The following XPO1 variants were observed in gnomAD, a reference collection of about 807,000 sequenced individuals.
XPO1 encodes the protein exportin 1, also known as exportin-1.
Under a neutral mutation model 133.3 loss-of-function variants are expected in XPO1, and 5 were observed. That is an observed-to-expected ratio of 0.04 (90% CI 0.02 to 0.08). The LOEUF is 0.08. Ranked by LOEUF, XPO1 falls within the 10% of genes least tolerant of loss-of-function variation. The probability of loss-of-function intolerance (pLI) is 1.00; values close to 1 mark genes in which losing one functional copy is unlikely to be tolerated. For synonymous variants in XPO1, 419 were observed against 408.2 expected, an observed-to-expected ratio of 1.03 and a Z score of -0.32; for missense variants, 506 against 1,267.5, an observed-to-expected ratio of 0.40 and a Z score of 9.12.
chr2:61,489,719 C>G (rs1696876498), intron 17 of XPO1, among the ~76,000 whole-genome samples: 1 of 151,304 alleles, frequency 6.6e-6, no homozygotes, highest in African/African-American at 2.4e-5. Context: ...CCACACTCAG[C>G]TAATTTTTGT....
At chr2:61,496,727 A>G in intron 10 of XPO1, 152 bp downstream of exon 10, 7 of 1,002,420 alleles carry the variant, frequency 7.0e-6, no homozygotes, top group East Asian at 3.2e-5. Context: ...TGGAAACATC[A>G]TAAAAATTTG....
At chr2:61,528,743 A>T (rs1274320158) in intron 2 of XPO1, among the ~76,000 whole-genome samples, 1 of 13,006 alleles carries the variant, frequency 7.7e-5, no homozygotes, top group East Asian at 3.4e-3. Context: ...TTATATATAT[A>T]TATATATATA....
intron 12 of XPO1, 170 bp from the exon 13 acceptor site, chr2:61,493,223 T>C (rs1421358446): frequency 7.1e-6 from 4 of 566,864 alleles, no homozygotes; most frequent in Non-Finnish European, 8.6e-6. Flanking sequence ...AAAAGAACTG[T>C]TGTGGCCAGG....
intron 2 of XPO1, among the ~76,000 whole-genome samples, chr2:61,532,086 G>A (rs1216583748): frequency 6.6e-6 from 1 of 152,190 alleles, no homozygotes; most frequent in South Asian, 2.1e-4. Context: ...TTTTCAGAAA[G>A]TGTAATGGCA....
chr2:61,501,478 T>TG (rs1697513798), intron 6 of XPO1, among the ~76,000 whole-genome samples: 1 of 151,514 alleles, frequency 6.6e-6, no homozygotes, highest in South Asian at 2.1e-4. Context: ...TCCCAGCACT[T>TG]TGGGAGGTCG....
intron 4 of XPO1, among the ~76,000 whole-genome samples, chr2:61,508,980 T>A (rs1259681487): frequency 6.6e-6 from 1 of 152,166 alleles, no homozygotes; most frequent in Admixed American, 6.5e-5. Context: ...ATCTGAAATC[T>A]GAAACACTCC....
intron 23 of XPO1, 75 bp downstream of exon 23, chr2:61,482,305 A>G: frequency 7.2e-7 from 1 of 1,384,314 alleles, no homozygotes; most frequent in Non-Finnish European, 9.7e-7. Flanking sequence ...TAGGCTTCCC[A>G]AAGTGCTGGG....
intron 17 of XPO1, among the ~76,000 whole-genome samples, chr2:61,490,065 ATT>A (rs963158465): frequency 6.7e-6 from 1 of 150,300 alleles, no homozygotes; most frequent in African/African-American, 2.5e-5. Flanking sequence ...TAATTTTTGT[ATT>A]TTTAGTAGAG....
At chr2:61,525,761 C>T in intron 3 of XPO1, 1 of 1,030,850 alleles carries the variant, frequency 9.7e-7, no homozygotes, top group Non-Finnish European at 1.2e-6. Flanking sequence ...AGTCTGGTTT[C>T]AGAAACAGAT....
chr2:61,525,195 T>C, intron 3 of XPO1: 1 of 880,330 alleles, frequency 1.1e-6, no homozygotes. Flanking sequence ...TGAATTCCCC[T>C]TTCCCCTCCC....
intron 22 of XPO1, 121 bp from the exon 23 acceptor site, chr2:61,482,660 C>G: frequency 1.0e-6 from 1 of 994,842 alleles, no homozygotes; most frequent in Non-Finnish European, 1.4e-6. Context: ...AGCTGGAATG[C>G]CGTGGCGCAA....
At chr2:61,536,280 C>T (rs1339185456) in intron 1 of XPO1, 1 of 152,196 alleles carries the variant, frequency 6.6e-6, no homozygotes, top group Non-Finnish European at 1.5e-5. Context: ...CAAATCAAAC[C>T]GCTTCCAAAA....
intron 10 of XPO1, among the ~76,000 whole-genome samples, chr2:61,496,188 C>A (rs537626854): frequency 1.3e-5 from 2 of 152,104 alleles, no homozygotes; most frequent in East Asian, 1.9e-4. Flanking sequence ...TCATTCAGAT[C>A]ACAAACATAC....
chr2:61,517,814 A>C (rs1698468969), intron 4 of XPO1, among the ~76,000 whole-genome samples: 1 of 152,054 alleles, frequency 6.6e-6, no homozygotes, highest in Non-Finnish European at 1.5e-5. Context: ...GGTGGTGCGG[A>C]CCTACAGTGC....
chr2:61,535,795 C>T (rs550814617), intron 1 of XPO1, among the ~76,000 whole-genome samples: 2 of 151,946 alleles, frequency 1.3e-5, no homozygotes, highest in East Asian at 3.9e-4. Flanking sequence ...TGTTACACAC[C>T]ACAAAAAAAC....
intron 4 of XPO1, among the ~76,000 whole-genome samples, chr2:61,516,174 A>C (rs1231457523): frequency 2.3e-4 from 34 of 150,048 alleles, no homozygotes; most frequent in Admixed American, 2.3e-3. Flanking sequence ...GCATGGTGGC[A>C]CATGCCTGTA....
intron 17 of XPO1, among the ~76,000 whole-genome samples, chr2:61,489,983 T>C (rs1696893762): frequency 6.6e-6 from 1 of 150,774 alleles, no homozygotes; most frequent in African/African-American, 2.4e-5. Context: ...CTCCGCCTCC[T>C]GGGTTCAAGC....
At chr2:61,499,366 T>C (rs1697392950) in intron 7 of XPO1, among the ~76,000 whole-genome samples, 1 of 152,110 alleles carries the variant, frequency 6.6e-6, no homozygotes, top group South Asian at 2.1e-4. Flanking sequence ...TGAGCCAAGA[T>C]TGCGCTGCTG....
intron 19 of XPO1, among the ~76,000 whole-genome samples, chr2:61,487,285 G>A (rs943204444): frequency 1.3e-5 from 2 of 152,068 alleles, no homozygotes; most frequent in Admixed American, 6.6e-5. Flanking sequence ...CTGTGCTCCC[G>A]ACACGTGCTC....
Sources: allele counts gnomAD v4.1 joint callset (sites outside exome capture counted in the v4.1 genomes callset), GRCh38; gene constraint gnomAD v4.1.1; transcripts MANE v1.5; gene names NCBI Gene and HGNC (gene_info 2026-07-23, HGNC 2026-07-21).